The following TAFA5 variants were observed in gnomAD, a reference collection of about 807,000 sequenced individuals.
TAFA5 encodes TAFA chemokine like family member 5, also known as chemokine-like protein TAFA-5.
In TAFA5, 6 loss-of-function variants were observed where a neutral mutation model predicts 15.3. The observed-to-expected ratio is 0.39, with a 90% confidence interval of 0.21 to 0.77. TAFA5 has a LOEUF of 0.77. Among genes scored for constraint, TAFA5 ranks in the 30% least tolerant of loss-of-function variants. The pLI, the probability that TAFA5 is intolerant of heterozygous loss-of-function variation, is 0.41. For synonymous variants in TAFA5, 103 were observed against 80.7 expected, an observed-to-expected ratio of 1.28 and a Z score of -1.48; for missense variants, 161 against 193.1, an observed-to-expected ratio of 0.83 and a Z score of 0.98.
At chr22:48,656,947 T>A (rs1927274599) in intron 2 of TAFA5, among the ~76,000 whole-genome samples, 1 of 151,950 alleles carries the variant, frequency 6.6e-6, no homozygotes, top group Non-Finnish European at 1.5e-5. Context: ...TTTCTTCTAT[T>A]TATAGTAGAG....
intron 1 of TAFA5, among the ~76,000 whole-genome samples, chr22:48,640,540 TGGGCA>T (rs199871305): frequency 2.4e-4 from 36 of 150,850 alleles, no homozygotes; most frequent in East Asian, 9.9e-4. Flanking sequence ...GCCAGCTGGG[TGGGCA>T]GGGCAGGGCA....
chr22:48,595,345 G>T (rs911896281), intron 1 of TAFA5, among the ~76,000 whole-genome samples: 6 of 152,252 alleles, frequency 3.9e-5, no homozygotes, highest in African/African-American at 1.4e-4. Context: ...CGGCGCGTCA[G>T]TGGGGGTGTG....
chr22:48,580,819 G>T (rs76866919), intron 1 of TAFA5, among the ~76,000 whole-genome samples: 6 of 152,216 alleles, frequency 3.9e-5, no homozygotes, highest in Admixed American at 3.9e-4. Context: ...CTCAGACTGC[G>T]TGTGGAGGGG....
At chr22:48,589,986 CGTG>C (rs1010345650) in intron 1 of TAFA5, among the ~76,000 whole-genome samples, 1 of 149,664 alleles carries the variant, frequency 6.7e-6, no homozygotes, top group Admixed American at 6.6e-5. Context: ...TTGCAGCCGA[CGTG>C]TGTGTGTGTG....
intron 1 of TAFA5, among the ~76,000 whole-genome samples, chr22:48,600,297 G>A (rs1178253118): frequency 6.6e-6 from 1 of 152,208 alleles, no homozygotes; most frequent in East Asian, 1.9e-4. Context: ...ACCACGGGCA[G>A]TAAGGAGGTC....
intron 3 of TAFA5, among the ~76,000 whole-genome samples, chr22:48,733,405 A>G (rs1049767561): frequency 5.3e-5 from 8 of 152,172 alleles, no homozygotes; most frequent in Admixed American, 3.9e-4. Context: ...CAGTTGCCCT[A>G]TGTCTTTTCA....
At chr22:48,549,012 C>T (rs1922773265) in intron 1 of TAFA5, among the ~76,000 whole-genome samples, 1 of 152,190 alleles carries the variant, frequency 6.6e-6, no homozygotes. Context: ...TCAGATTGAC[C>T]TAAAGAAGAG....
At chr22:48,568,235 C>A (rs1396327714) in intron 1 of TAFA5, among the ~76,000 whole-genome samples, 1 of 152,254 alleles carries the variant, frequency 6.6e-6, no homozygotes, top group African/African-American at 2.4e-5. Flanking sequence ...CCCTGGCCTG[C>A]GCCTCCATCT....
chr22:48,697,911 T>C (rs1419252520), intron 2 of TAFA5, among the ~76,000 whole-genome samples: 3 of 110,472 alleles, frequency 2.7e-5, no homozygotes, highest in African/African-American at 7.5e-5. Context: ...GTGATGACAA[T>C]ATGATGATGG....
intron 1 of TAFA5, among the ~76,000 whole-genome samples, chr22:48,568,991 C>G (rs1023248507): frequency 4.6e-5 from 7 of 152,210 alleles, no homozygotes; most frequent in Non-Finnish European, 1.0e-4. Flanking sequence ...GGCTATCAGG[C>G]ACCCTCCATC....
chr22:48,649,322 G>T (rs548023561), intron 2 of TAFA5, among the ~76,000 whole-genome samples: 1 of 152,168 alleles, frequency 6.6e-6, no homozygotes, highest in Non-Finnish European at 1.5e-5. Flanking sequence ...CTGGCCCTCC[G>T]GCCACCAGCC....
intron 1 of TAFA5, among the ~76,000 whole-genome samples, chr22:48,635,527 C>T (rs1020921541): frequency 3.9e-5 from 6 of 152,222 alleles, no homozygotes; most frequent in South Asian, 2.1e-4. Flanking sequence ...CACTGCGCAG[C>T]GCATTTCAGG....
chr22:48,621,504 A>G (rs1178307002), intron 1 of TAFA5, among the ~76,000 whole-genome samples: 1 of 152,002 alleles, frequency 6.6e-6, no homozygotes, highest in Non-Finnish European at 1.5e-5. Context: ...TGGCCGGGGT[A>G]GGGGCTGTTG....
chr22:48,548,356 A>C (rs944885969), intron 1 of TAFA5, among the ~76,000 whole-genome samples: 1 of 152,214 alleles, frequency 6.6e-6, no homozygotes, highest in African/African-American at 2.4e-5. Flanking sequence ...CCGACTGTGG[A>C]GATGACTCGT....
intron 1 of TAFA5, among the ~76,000 whole-genome samples, chr22:48,497,237 C>A (rs1316741074): frequency 6.6e-6 from 1 of 152,236 alleles, no homozygotes; most frequent in Non-Finnish European, 1.5e-5. Context: ...ATGGGCGGAC[C>A]TTGCCCTGGG....
At chr22:48,617,014 G>A (rs989473259) in intron 1 of TAFA5, among the ~76,000 whole-genome samples, 3 of 152,230 alleles carry the variant, frequency 2.0e-5, no homozygotes, top group Admixed American at 6.5e-5. Context: ...TGGGAGCGTG[G>A]ATACCTGTGG....
At chr22:48,656,075 C>T (rs941849943) in intron 2 of TAFA5, among the ~76,000 whole-genome samples, 3 of 151,590 alleles carry the variant, frequency 2.0e-5, no homozygotes, top group Non-Finnish European at 4.4e-5. Flanking sequence ...AACTCCTGAC[C>T]TCCTGATCCA....
intron 1 of TAFA5, chr22:48,544,712 G>A: frequency 2.1e-6 from 1 of 471,324 alleles, no homozygotes; most frequent in South Asian, 1.5e-5. Context: ...AGATGAGGGT[G>A]CATGTTGGTC....
Position 48,624,503 on chromosome 22 carries a change from C to T in TAFA5, c.113-22094C>T, listed in dbSNP as rs79586741. On this transcript the variant is annotated intron_variant, in intron 1 of 3. Transcript: ENST00000402357. Reference sequence around the variant, plus strand: ...ATGCGTTTTCTCCCCATTTCGTAATCGGTTCAGTCACTCTCACTGTTTATC... The same window carrying T: ...ATGCGTTTTCTCCCCATTTCGTAATTGGTTCAGTCACTCTCACTGTTTATC... 5.6e-3 allele frequency among the ~76,000 whole-genome samples: 850 copies of T among 152,316 alleles called. 7 individuals are homozygous for T. The highest frequency in any genetic ancestry group is 0.019 in the African/African-American group (787 of 41,568).
Sources: allele counts gnomAD v4.1 joint callset (sites outside exome capture counted in the v4.1 genomes callset), GRCh38; gene constraint gnomAD v4.1.1; transcripts MANE v1.5; gene names NCBI Gene and HGNC (gene_info 2026-07-23, HGNC 2026-07-21).